The following DPP10 variants were observed in gnomAD, a reference collection of about 807,000 sequenced individuals.
DPP10 encodes inactive dipeptidyl peptidase 10.
Under a neutral mutation model 120.9 loss-of-function variants are expected in DPP10, and 33 were observed. The ratio of observed to expected loss-of-function variants is 0.27; its 90% CI spans 0.21 to 0.37. The LOEUF (loss-of-function observed/expected upper bound fraction) is 0.37, where lower values mean the gene tolerates loss of function less well. Among genes scored for constraint, DPP10 ranks in the 10% least tolerant of loss-of-function variants. The probability of loss-of-function intolerance (pLI) is 1.00; values close to 1 mark genes in which losing one functional copy is unlikely to be tolerated. For synonymous variants in DPP10, 337 were observed against 326.1 expected (o/e 1.03, Z -0.36); for missense variants, 816 against 942.8 (o/e 0.87, Z 1.76).
intron 1 of DPP10, among the ~76,000 whole-genome samples, chr2:115,100,853 A>C (rs1041840156): frequency 6.6e-6 from 1 of 152,186 alleles, no homozygotes; most frequent in Non-Finnish European, 1.5e-5. Context: ...CAGGCCCCTG[A>C]ACAATTAGTC....
At chr2:114,526,579 C>A (rs1036576744) in intron 1 of DPP10, among the ~76,000 whole-genome samples, 1 of 151,968 alleles carries the variant, frequency 6.6e-6, no homozygotes, top group East Asian at 1.9e-4. Flanking sequence ...AAGAAAAAAA[C>A]AGTTATTTCT....
At chr2:115,293,359 G>A (rs2060741944) in intron 1 of DPP10, among the ~76,000 whole-genome samples, 1 of 152,118 alleles carries the variant, frequency 6.6e-6, no homozygotes, top group African/African-American at 2.4e-5. Context: ...TCTTCATAGA[G>A]ACTCACATAT....
intron 1 of DPP10, among the ~76,000 whole-genome samples, chr2:114,535,814 T>A (rs2104768504): frequency 6.6e-6 from 1 of 152,298 alleles, no homozygotes; most frequent in East Asian, 1.9e-4. Flanking sequence ...TAGAGCAGCA[T>A]CAAAAGCTGT....
At chr2:115,026,739 G>T (rs1703488420) in intron 1 of DPP10, among the ~76,000 whole-genome samples, 1 of 152,024 alleles carries the variant, frequency 6.6e-6, no homozygotes, top group Non-Finnish European at 1.5e-5. Context: ...GTTTTATCAT[G>T]TTGGCCAGGC....
intron 3 of DPP10, among the ~76,000 whole-genome samples, chr2:115,480,790 A>C (rs2075382032): frequency 6.6e-6 from 1 of 152,162 alleles, no homozygotes; most frequent in Non-Finnish European, 1.5e-5. Flanking sequence ...ATGTTTTCTA[A>C]AAAATTGTAT....
chr2:115,334,915 C>CTT (rs376587549), intron 2 of DPP10, among the ~76,000 whole-genome samples: 1 of 143,120 alleles, frequency 7.0e-6, no homozygotes. Flanking sequence ...CAGGATATAT[C>CTT]TTTTTTTTTT....
intron 1 of DPP10, among the ~76,000 whole-genome samples, chr2:114,540,963 TCC>T (rs985667538): frequency 5.9e-5 from 9 of 152,298 alleles, no homozygotes; most frequent in African/African-American, 2.2e-4. Context: ...TACCCTCCAC[TCC>T]CGTCACAGCT....
intron 3 of DPP10, among the ~76,000 whole-genome samples, chr2:115,469,872 T>C (rs920399111): frequency 8.7e-6 from 1 of 115,238 alleles, no homozygotes; most frequent in Non-Finnish European, 1.7e-5. Flanking sequence ...CACTCCAGCC[T>C]GGGCAACAAG....
At chr2:115,585,234 A>G (rs945581663) in intron 5 of DPP10, among the ~76,000 whole-genome samples, 2 of 152,200 alleles carry the variant, frequency 1.3e-5, no homozygotes, top group African/African-American at 4.8e-5. Context: ...TAAATTAATC[A>G]GTTTAGGATT....
intron 11 of DPP10, among the ~76,000 whole-genome samples, chr2:115,760,897 G>T (rs1258243318): frequency 1.3e-5 from 2 of 151,922 alleles, no homozygotes. Flanking sequence ...AGGAGTTTGA[G>T]ACCAGCCTGG....
At chr2:114,958,137 G>A (rs1024709648) in intron 1 of DPP10, among the ~76,000 whole-genome samples, 1 of 152,176 alleles carries the variant, frequency 6.6e-6, no homozygotes, top group Non-Finnish European at 1.5e-5. Context: ...AAAAAAAAGA[G>A]ACATGACCTA....
chr2:114,861,594 G>A (rs1356529004), intron 1 of DPP10, among the ~76,000 whole-genome samples: 1 of 152,060 alleles, frequency 6.6e-6, no homozygotes. Flanking sequence ...CATTTATGTT[G>A]AATTTTAACT....
chr2:114,899,170 A>G (rs1436536144), intron 1 of DPP10, among the ~76,000 whole-genome samples: 1 of 151,840 alleles, frequency 6.6e-6, no homozygotes, highest in Non-Finnish European at 1.5e-5. Context: ...GAAATTCTAT[A>G]TATGAATATA....
At chr2:115,367,666 A>G (rs1159577530) in intron 3 of DPP10, among the ~76,000 whole-genome samples, 2 of 152,076 alleles carry the variant, frequency 1.3e-5, no homozygotes, top group Non-Finnish European at 2.9e-5. Context: ...TGCAATATCA[A>G]GGCAGTCTTT....
At chr2:115,418,151 G>A (rs547904661) in intron 3 of DPP10, among the ~76,000 whole-genome samples, 4 of 152,298 alleles carry the variant, frequency 2.6e-5, no homozygotes, top group East Asian at 3.9e-4. Flanking sequence ...TAGATTGGAT[G>A]TGATGTGTGC....
chr2:114,552,920 C>T (rs530783228), intron 1 of DPP10, among the ~76,000 whole-genome samples: 1 of 152,278 alleles, frequency 6.6e-6, no homozygotes, highest in South Asian at 2.1e-4. Flanking sequence ...CCCACATCAG[C>T]ACCCCAATTA....
intron 4 of DPP10, among the ~76,000 whole-genome samples, chr2:115,514,679 A>G (rs2077407178): frequency 5.3e-5 from 8 of 151,874 alleles, no homozygotes; most frequent in Admixed American, 5.3e-4. Context: ...TTTCAGTCAC[A>G]CTATCCACAT....
chr2:114,477,525 GTA>G (rs76272255), intron 1 of DPP10, among the ~76,000 whole-genome samples: 91,391 of 149,470 alleles, frequency 0.61, 28,117 homozygotes, highest in East Asian at 0.71. Flanking sequence ...GTGTATATAT[GTA>G]TATATATATA....
At chr2:114,630,574 T>G (rs1694846337) in intron 1 of DPP10, among the ~76,000 whole-genome samples, 1 of 152,256 alleles carries the variant, frequency 6.6e-6, no homozygotes, top group African/African-American at 2.4e-5. Flanking sequence ...TCAAGCTTGG[T>G]TTAAACCCCA....
Sources: gnomAD v4.1 joint callset for allele counts (sites outside exome capture counted in the v4.1 genomes callset) on GRCh38, gnomAD v4.1.1 for gene constraint, MANE v1.5 for transcripts, NCBI Gene and HGNC (gene_info 2026-07-23, HGNC 2026-07-21) for gene names.